ZDHHC13: variants seen among roughly 807,000 people sequenced by gnomAD.
ZDHHC13 encodes the protein palmitoyltransferase ZDHHC13.
ZDHHC13 carries 85 observed loss-of-function variants against 86.0 expected under a neutral mutation model. The observed-to-expected ratio is 0.99, with a 90% CI of 0.83 to 1.18. ZDHHC13 has a LOEUF of 1.18. Ranked by LOEUF, ZDHHC13 falls within the 50% of genes most tolerant of loss-of-function variation. The pLI is 0.00. For synonymous variants in ZDHHC13, 263 were observed against 246.4 expected (o/e 1.07, Z -0.63); for missense variants, 711 against 730.2 (o/e 0.97, Z 0.30).
chr11:19,125,321 G>C (rs1164141960), intron 1 of ZDHHC13, among the ~76,000 whole-genome samples: 6 of 152,122 alleles, frequency 3.9e-5, no homozygotes, highest in Non-Finnish European at 7.4e-5. Flanking sequence ...CAAAAGACTT[G>C]AACAGACACT....
intron 3 of ZDHHC13, among the ~76,000 whole-genome samples, chr11:19,146,645 A>G (rs777699217): frequency 1.4e-4 from 22 of 152,230 alleles, no homozygotes; most frequent in Admixed American, 4.6e-4. Context: ...GAAATATTTT[A>G]CATTTTAATA....
In ZDHHC13 at chr11:19,155,777, A is replaced by C. The variant is rs1849739935; in HGVS notation, c.874-19A>C. The C allele has an allele frequency of 1.9e-6, 3 of 1,605,626 alleles. No individual in the cohort carries two copies. Among genetic ancestry groups the C allele is most frequent in the Non-Finnish European group, 8.5e-7 (1 of 1,178,274 alleles). ...GAGGTAAAATCCATAAAGTTCTAAA[A>C]TTCTGAATCTCTTAATAGCTCTTCC... On this transcript the variant is annotated intron_variant, in intron 8 of 16. Transcript: ENST00000446113.
chr11:19,141,084 AG>A (rs1371725131), intron 1 of ZDHHC13, among the ~76,000 whole-genome samples: 1 of 151,848 alleles, frequency 6.6e-6, no homozygotes, highest in African/African-American at 2.4e-5. Context: ...AAAAAAAAAA[AG>A]AAAAAAAAGT....
At chr11:19,124,654 A>G (rs1431326263) in intron 1 of ZDHHC13, among the ~76,000 whole-genome samples, 1 of 152,130 alleles carries the variant, frequency 6.6e-6, no homozygotes, top group Non-Finnish European at 1.5e-5. Context: ...CCAATTGAAT[A>G]TAATTACTGT....
At chr11:19,158,282 G>C (rs1337166341) in intron 9 of ZDHHC13, among the ~76,000 whole-genome samples, 1 of 152,054 alleles carries the variant, frequency 6.6e-6, no homozygotes. Context: ...GATGACTGTG[G>C]TGAGTATTTA....
At chr11:19,120,633 C>T (rs1057162479) in intron 1 of ZDHHC13, among the ~76,000 whole-genome samples, 25 of 152,198 alleles carry the variant, frequency 1.6e-4, no homozygotes, top group African/African-American at 6.0e-4. Context: ...AATTACCACA[C>T]ATGTATTCAT....
At chr11:19,169,754 G>A (rs925277183) in intron 14 of ZDHHC13, 2 of 985,422 alleles carry the variant, frequency 2.0e-6, no homozygotes, top group Non-Finnish European at 2.4e-6. Flanking sequence ...GATATGAAAG[G>A]CCATAGTAAA....
intron 1 of ZDHHC13, among the ~76,000 whole-genome samples, chr11:19,135,913 A>G (rs1849125758): frequency 6.6e-6 from 1 of 151,826 alleles, no homozygotes; most frequent in Non-Finnish European, 1.5e-5. Flanking sequence ...CACACCAAAA[A>G]CCCATCTGTA....
intron 2 of ZDHHC13, among the ~76,000 whole-genome samples, chr11:19,144,890 C>T (rs1410118346): frequency 2.0e-5 from 3 of 152,080 alleles, no homozygotes; most frequent in African/African-American, 7.2e-5. Context: ...CCGAGGTGGG[C>T]AGATTACCTG....
chr11:19,175,875 T>C lies in ZDHHC13; in HGVS notation c.1784T>C (p.Leu595Ser), dbSNP rs775658685. 3 of 1,613,868 alleles carry C rather than the reference T, an allele frequency of 1.9e-6. No homozygotes were observed. In the East Asian group the frequency reaches 6.7e-5, roughly 36 times the overall value. The change falls in exon 17 of 17, where the codon TTG (leucine) becomes TCG (serine). Residue 595 changes from leucine to serine, a missense_variant. By Grantham distance (145) the Leu-to-Ser change is moderately radical (BLOSUM62 -2). Transcript: ENST00000446113. ...ADFFQCGCFG[L>S]VKPCVVDWTS... ...TTCTTTCAGTGTGGCTGCTTTGGCT[T>C]GGTGAAGCCCTGTGTGGTAGATTGG...
intron 1 of ZDHHC13, among the ~76,000 whole-genome samples, chr11:19,127,468 T>C (rs1037690312): frequency 1.3e-5 from 2 of 152,258 alleles, no homozygotes; most frequent in Admixed American, 6.5e-5. Context: ...ATCCCACTTA[T>C]CAATTTTTGC....
At chr11:19,138,815 C>T (rs2133390101) in intron 1 of ZDHHC13, among the ~76,000 whole-genome samples, 1 of 152,170 alleles carries the variant, frequency 6.6e-6, no homozygotes, top group African/African-American at 2.4e-5. Flanking sequence ...ACAAAAACCA[C>T]ATGATTATCT....
Position 19,175,886 on chromosome 11 carries a change from T to C in ZDHHC13, c.1795T>C (p.Cys599Arg), listed in dbSNP as rs1850350877. 1 of 1,613,770 alleles carries C rather than the reference T, an allele frequency of 6.2e-7. No individual in the cohort carries two copies. Among genetic ancestry groups the C allele is most frequent in the African/African-American group, 1.3e-5 (1 of 75,014 alleles). ...QCGCFGLVKP[C>R]VVDWTSQYTM... ...TGGCTGCTTTGGCTTGGTGAAGCCCTGTGTGGTAGATTGGACATCACAGTA... is the reference window on the plus strand; with the variant it reads ...TGGCTGCTTTGGCTTGGTGAAGCCCCGTGTGGTAGATTGGACATCACAGTA... The change falls in exon 17 of 17, where the codon TGT becomes CGT. Residue 599 changes from cysteine to arginine, a missense_variant. Physicochemically the swap from Cys to Arg is radical, Grantham distance 180 (BLOSUM62 -3). Coordinates refer to ENST00000446113, the MANE Select transcript of ZDHHC13 (RefSeq NM_019028.3).
Position 19,165,047 on chromosome 11 carries a change from C to T in ZDHHC13, c.1297-5C>T, listed in dbSNP as rs1387632001. 2.5e-6 allele frequency: 4 copies of T among 1,611,248 alleles called. No individual in the cohort carries two copies. In the African/African-American group the frequency reaches 4.0e-5, roughly 16 times the overall value. ...TGCTTAGGCCTCTCTTAATTGCCCA[C>T]TTAGATAAGGAAGCCATTAAGGTCA... On this transcript the variant is annotated splice_region_variant and splice_polypyrimidine_tract_variant and intron_variant, in intron 12 of 16. Coordinates refer to ENST00000446113, the MANE Select transcript of ZDHHC13 (RefSeq NM_019028.3).
intron 1 of ZDHHC13, among the ~76,000 whole-genome samples, chr11:19,140,260 T>C (rs1481625354): frequency 6.6e-6 from 1 of 151,948 alleles, no homozygotes; most frequent in Admixed American, 6.5e-5. Flanking sequence ...GCAAAGGACA[T>C]GAACAGACAC....
chr11:19,133,675 T>G (rs553478450), intron 1 of ZDHHC13, among the ~76,000 whole-genome samples: 84 of 151,874 alleles, frequency 5.5e-4, no homozygotes, highest in Non-Finnish European at 1.1e-3. Flanking sequence ...GTACAAAAAT[T>G]AAAAAATGTA....
chr11:19,119,828 CA>C (rs1279960850), intron 1 of ZDHHC13, among the ~76,000 whole-genome samples: 7 of 152,180 alleles, frequency 4.6e-5, no homozygotes, highest in African/African-American at 1.7e-4. Context: ...AAATACTTGT[CA>C]ATGAATGAAC....
intron 1 of ZDHHC13, among the ~76,000 whole-genome samples, chr11:19,141,215 T>A (rs914784539): frequency 6.6e-6 from 1 of 152,166 alleles, no homozygotes; most frequent in Non-Finnish European, 1.5e-5. Flanking sequence ...CTGAATAGCC[T>A]ATGAGATTAG....
intron 16 of ZDHHC13, among the ~76,000 whole-genome samples, chr11:19,174,958 A>C (rs1850319775): frequency 1.3e-5 from 2 of 152,240 alleles, no homozygotes; most frequent in Non-Finnish European, 1.5e-5. Context: ...CTCTAGGCAG[A>C]GGAGTATCTT....
Sources: allele counts gnomAD v4.1 joint callset (sites outside exome capture counted in the v4.1 genomes callset), GRCh38; gene constraint gnomAD v4.1.1; transcripts MANE v1.5; gene names NCBI Gene and HGNC (gene_info 2026-07-23, HGNC 2026-07-21).